Variants in SYNE1 observed in about 807,000 individuals in gnomAD.
The protein encoded by SYNE1 is nesprin-1.
In SYNE1, 616 loss-of-function variants were observed where a neutral mutation model predicts 1,111.0. That is an observed-to-expected ratio of 0.55 (90% CI 0.52 to 0.59). The LOEUF is 0.59. Ranked by LOEUF, SYNE1 falls within the 20% of genes least tolerant of loss-of-function variation. The pLI is 0.00. For synonymous variants in SYNE1, 3,855 were observed against 3,825.8 expected, an observed-to-expected ratio of 1.01 and a Z score of -0.28; for missense variants, 10,006 against 10,417.0, an observed-to-expected ratio of 0.96 and a Z score of 1.72.
intron 71 of SYNE1, 52 bp downstream of exon 71, chr6:152,350,566 G>C (rs531936678): frequency 1.2e-6 from 2 of 1,611,002 alleles, no homozygotes; most frequent in African/African-American, 2.7e-5. Flanking sequence ...AGGAGTCAGG[G>C]CCCACATTTT....
At chr6:152,208,285 T>C (rs1164761150) in intron 124 of SYNE1, 79 bp from the exon 125 acceptor site, 6 of 1,266,314 alleles carry the variant, frequency 4.7e-6, no homozygotes, top group African/African-American at 1.5e-5. Context: ...GTATACACTG[T>C]CAACAACCCT....
At chr6:152,369,825 T>C (rs1216501995) in intron 59 of SYNE1, among the ~76,000 whole-genome samples, 3 of 151,364 alleles carry the variant, frequency 2.0e-5, no homozygotes, top group Admixed American at 2.0e-4. Flanking sequence ...TCTACTAAAA[T>C]ACAAAAAATT....
chr6:152,368,356 G>A (rs1250914917), intron 61 of SYNE1: 1 of 153,248 alleles, frequency 6.5e-6, no homozygotes, highest in African/African-American at 2.4e-5. Context: ...GATTGTAGTA[G>A]GATTCCATTT....
rs1275812379 is a variant in SYNE1 at position 152,354,971 on chromosome 6, T to C, written c.10614A>G (p.Leu3538=). ...HETTLRDLQE[L]QVHCAEGQAL... is the part of the protein sequence containing the mutation. ...CCTGCCCCTCTGCACAGTGTACCTGTAGCTCCTGCAGAGAAAAAGGTATGG... is the reference window on the plus strand; with the variant it reads ...CCTGCCCCTCTGCACAGTGTACCTGCAGCTCCTGCAGAGAAAAAGGTATGG... The change falls in exon 67 of 146, where the codon CTA becomes CTG. Residue 3538 remains leucine (L), a synonymous_variant. Transcript: ENST00000367255. 17 of 1,613,914 alleles carry C rather than the reference T, an allele frequency of 1.1e-5. No individual in the cohort carries two copies. In the East Asian group the frequency reaches 2.9e-4, roughly 27 times the overall value.
intron 16 of SYNE1, among the ~76,000 whole-genome samples, chr6:152,466,543 T>C (rs2098769206): frequency 6.6e-6 from 1 of 152,098 alleles, no homozygotes; most frequent in Non-Finnish European, 1.5e-5. Context: ...AAATAAAAAG[T>C]CAGTAGAAAA....
chr6:152,295,083 T>C (rs1438858533), intron 93 of SYNE1, among the ~76,000 whole-genome samples: 1 of 152,210 alleles, frequency 6.6e-6, no homozygotes, highest in African/African-American at 2.4e-5. Context: ...TGTCATGCGG[T>C]AGAATGAATT....
chr6:152,419,924 C>T (rs1461873203), intron 39 of SYNE1, among the ~76,000 whole-genome samples: 1 of 152,174 alleles, frequency 6.6e-6, no homozygotes, highest in Non-Finnish European at 1.5e-5. Context: ...CACCATTCAC[C>T]CTGTTGGTCC....
chr6:152,625,684 C>T (rs2099684310), intron 3 of SYNE1, among the ~76,000 whole-genome samples: 1 of 152,102 alleles, frequency 6.6e-6, no homozygotes, highest in South Asian at 2.1e-4. Flanking sequence ...AGTATAGTTA[C>T]TTTATTGTGT....
At chr6:152,473,913 T>C (rs1456277183) in intron 14 of SYNE1, among the ~76,000 whole-genome samples, 1 of 152,082 alleles carries the variant, frequency 6.6e-6, no homozygotes, top group Non-Finnish European at 1.5e-5. Context: ...AGGCCGGGTG[T>C]GGTGGCTCAT....
At chr6:152,164,055 C>G (rs954157286) in intron 131 of SYNE1, 108 bp downstream of exon 131, 5 of 1,476,746 alleles carry the variant, frequency 3.4e-6, no homozygotes, top group Non-Finnish European at 4.7e-6. Flanking sequence ...TGCCTAGCTC[C>G]CTGCTGACCT....
chr6:152,310,933 A>T, intron 87 of SYNE1, 60 bp from the exon 88 acceptor site: 1 of 1,551,434 alleles, frequency 6.4e-7, no homozygotes, highest in Non-Finnish European at 8.8e-7. Flanking sequence ...ATAGATATTC[A>T]ATATAGCTTG....
chr6:152,338,246 C>T (rs920399323), intron 75 of SYNE1, among the ~76,000 whole-genome samples: 2 of 152,146 alleles, frequency 1.3e-5, no homozygotes, highest in East Asian at 1.9e-4. Context: ...ATTATTTTGA[C>T]ATTTTTTTCC....
At chr6:152,625,201 C>T (rs2099683389) in intron 3 of SYNE1, among the ~76,000 whole-genome samples, 1 of 152,124 alleles carries the variant, frequency 6.6e-6, no homozygotes, top group African/African-American at 2.4e-5. Flanking sequence ...ATCTTGGGCA[C>T]TTGTTTGGAG....
rs1039553843 is a variant in SYNE1, at chr6:152,233,813, T to C, written c.20680A>G (p.Asn6894Asp). 2.5e-6 allele frequency: 4 copies of C among 1,614,176 alleles called. No individual in the cohort carries two copies. The highest frequency in any genetic ancestry group is 3.4e-6 in the Non-Finnish European group (4 of 1,180,024). The change falls in exon 112 of 146, where the codon AAT becomes GAT. Residue 6894 changes from asparagine to aspartate, a missense_variant. Coordinates refer to ENST00000367255, the MANE Select transcript of SYNE1 (RefSeq NM_182961.4). ...AGCTTCTCCTGGACGGCTGGGATAT[T>C]GGTTAGCAGGTCAGTCCACTGGCTA... ...IDSQWTDLLT[N>D]IPAVQEKLHQ...
At chr6:152,366,877 A>G (rs2097091080) in intron 62 of SYNE1, 2 of 411,002 alleles carry the variant, frequency 4.9e-6, no homozygotes, top group African/African-American at 2.0e-5. Context: ...AAGTGAGTGG[A>G]AAAAGATGGA....
At chr6:152,274,666 G>A (rs144685463) in intron 98 of SYNE1, among the ~76,000 whole-genome samples, 10 of 151,976 alleles carry the variant, frequency 6.6e-5, no homozygotes, top group East Asian at 1.9e-4. Flanking sequence ...GCGTGATCTC[G>A]GCTCACTGCA....
At chr6:152,558,232 C>T (rs1424530858) in intron 3 of SYNE1, among the ~76,000 whole-genome samples, 4 of 151,942 alleles carry the variant, frequency 2.6e-5, no homozygotes, top group Non-Finnish European at 5.9e-5. Context: ...AAACATACCA[C>T]CACAAAAAAA....
Position 152,224,504 on chromosome 6 carries a change from T to C in SYNE1, c.21512A>G (p.Asp7171Gly). 6.2e-7 allele frequency: 1 copy of C among 1,614,000 alleles called. No homozygotes were observed. The highest frequency in any genetic ancestry group is 8.5e-7 in the Non-Finnish European group (1 of 1,179,906). ...GSLEAVQVQV[D>G]NLQNLQDDLE... ...AAATTAATTCCTTACCTGAAGATTGTCCACCTGAACTTGCACAGCTTCTAA... is the reference window on the plus strand; with the variant it reads ...AAATTAATTCCTTACCTGAAGATTGCCCACCTGAACTTGCACAGCTTCTAA... Residue 7171 changes from aspartate (D) to glycine (G), a missense_variant, in exon 117 of 146, where the codon GAC becomes GGC. Physicochemically the swap from Asp to Gly is moderately conservative, Grantham distance 94. Around this residue, in one of 7 missense-constraint regions of SYNE1, gnomAD observed 2,182 missense variants for 2,287.8 expected, o/e 0.95. Transcript: ENST00000367255.
Position 152,362,301 on chromosome 6 carries a change from T to G in SYNE1, c.10168A>C (p.Lys3390Gln). The G allele has an allele frequency of 1.2e-6, 2 of 1,614,200 alleles. No individual in the cohort carries two copies. Among genetic ancestry groups the G allele is most frequent in the Non-Finnish European group, 1.7e-6 (2 of 1,180,030 alleles). ...CKSQLEGALS[K>Q]WTSYQDGVRQ... ...ACGCCATCCTGATAACTTGTCCACTTGGAGAGAGCTCCTTCGAGTTGGCTG... is the reference window on the plus strand; with the variant it reads ...ACGCCATCCTGATAACTTGTCCACTGGGAGAGAGCTCCTTCGAGTTGGCTG... Residue 3390 changes from lysine (K) to glutamine (Q), a missense_variant, in exon 64 of 146, where the codon AAG becomes CAG. This residue lies in a region of SYNE1 where 4,955 missense variants were observed against 5,017.2 expected (regional missense o/e 0.99). Coordinates refer to ENST00000367255, the MANE Select transcript of SYNE1 (RefSeq NM_182961.4).
Sources: gnomAD v4.1 joint callset for allele counts (sites outside exome capture counted in the v4.1 genomes callset) on GRCh38, gnomAD v4.1.1 for gene constraint, gnomAD v4.1.1 regional missense constraint, MANE v1.5 for transcripts, NCBI Gene and HGNC (gene_info 2026-07-23, HGNC 2026-07-21) for gene names.